ENKUR: variants seen among roughly 807,000 people sequenced by gnomAD.
The protein encoded by ENKUR is enkurin.
A neutral mutation model predicts 27.6 loss-of-function variants in ENKUR; 19 were observed. The ratio of observed to expected loss-of-function variants is 0.69; its 90% CI spans 0.48 to 1.01. The LOEUF is 1.01. Ranked by LOEUF, ENKUR falls within the 50% of genes least tolerant of loss-of-function variation. The pLI, the probability that ENKUR is intolerant of heterozygous loss-of-function variation, is 0.00. For missense variants in ENKUR, 312 were observed against 310.5 expected, an observed-to-expected ratio of 1.00 and a Z score of -0.04; for synonymous variants, 117 against 96.9, an observed-to-expected ratio of 1.21 and a Z score of -1.22.
chr10:25,018,814 A>T (rs1438538519), upstream of ENKUR, among the ~76,000 whole-genome samples: 17 of 152,198 alleles, frequency 1.1e-4, no homozygotes, highest in Non-Finnish European at 2.2e-4. Context: ...GTGGATACTA[A>T]AGTTTTCAAT....
intron 2 of ENKUR, chr10:25,024,889 C>T (rs7086282): frequency 0.38 from 618,938 of 1,613,552 alleles, 124,008 homozygotes; most frequent in African/African-American, 0.66. Flanking sequence ...GGAAAGAAAA[C>T]TAGCACAAAC....
intron 1 of ENKUR, among the ~76,000 whole-genome samples, chr10:25,011,777 AT>A (rs1247199120): frequency 6.6e-6 from 1 of 152,222 alleles, no homozygotes; most frequent in African/African-American, 2.4e-5. Flanking sequence ...AGTTCAGAAA[AT>A]TTGCAGCCCG....
intron 2 of ENKUR, among the ~76,000 whole-genome samples, chr10:25,034,442 G>T (rs1029527872): frequency 7.2e-5 from 11 of 152,076 alleles, no homozygotes; most frequent in African/African-American, 2.7e-4. Flanking sequence ...GGGTTGAGTG[G>T]CCTAATCTGA....
At chr10:24,991,056 C>T (rs1849917054) in intron 3 of ENKUR, among the ~76,000 whole-genome samples, 1 of 152,146 alleles carries the variant, frequency 6.6e-6, no homozygotes, top group Non-Finnish European at 1.5e-5. Context: ...GCCAAGGTGC[C>T]ACTGCACTCC....
At chr10:25,034,989 A>G (rs1850991589) in intron 2 of ENKUR, among the ~76,000 whole-genome samples, 1 of 152,252 alleles carries the variant, frequency 6.6e-6, no homozygotes, top group Non-Finnish European at 1.5e-5. Flanking sequence ...GTACCAAGAT[A>G]AAATTTTATT....
At chr10:25,032,314 A>AC (rs397970303) in intron 2 of ENKUR, among the ~76,000 whole-genome samples, 1 of 137,202 alleles carries the variant, frequency 7.3e-6, no homozygotes. Flanking sequence ...AGAGTAAAGA[A>AC]GGGGGGGGGG....
rs770319378 is a variant in ENKUR, at chr10:25,023,297, C to T, written c.38-27428G>A. The T allele has an allele frequency of 2.4e-5, 39 of 1,613,938 alleles. No homozygotes were observed. The highest frequency in any genetic ancestry group is 4.0e-5 in the African/African-American group (3 of 74,922). ...TGTTTTTCTAGTATACATGTTAAAA[C>T]GGATAAACATGCACAGCGATTTCTT... On this transcript the variant is annotated intron_variant, in intron 2 of 5. Coordinates refer to the ENKUR transcript ENST00000615958.
intron 2 of ENKUR, among the ~76,000 whole-genome samples, chr10:25,059,323 G>A (rs1216957482): frequency 6.6e-6 from 1 of 151,508 alleles, no homozygotes; most frequent in Non-Finnish European, 1.5e-5. Context: ...GTAGAGACAG[G>A]GTTTCACCAT....
intron 2 of ENKUR, chr10:25,026,093 G>C (rs1171796701): frequency 1.3e-5 from 2 of 155,670 alleles, no homozygotes; most frequent in African/African-American, 2.4e-5. Context: ...TTTCCAGGCT[G>C]ATCTTGAACC....
Position 25,024,801 on chromosome 10 carries a change from G to A in ENKUR, c.38-28932C>T, listed in dbSNP as rs762321693. 12 of 1,614,016 alleles carry A rather than the reference G, an allele frequency of 7.4e-6. No individual in the cohort carries two copies. In the East Asian group the frequency reaches 8.9e-5, roughly 12 times the overall value. ...TGTATGCCAAAATGATGGGAATCCCGATTCGAAAATTTATCTGTGCCTCTA... is the reference window on the plus strand; with the variant it reads ...TGTATGCCAAAATGATGGGAATCCCAATTCGAAAATTTATCTGTGCCTCTA... On this transcript the variant is annotated intron_variant, in intron 2 of 5. Transcript: ENST00000615958.
rs1564352066 is a variant in ENKUR at position 25,027,356 on chromosome 10, T to TAAA, written c.38-31488_38-31487insTTT. ...TGGGTGACAGAGCAAGACTCCCGTC[T>TAAA]CAAAAAAAAAAAAAAAAAAAAAAAA... On this transcript the variant is annotated intron_variant, in intron 2 of 5. Transcript: ENST00000615958. 2.2e-3 allele frequency among the ~76,000 whole-genome samples: 102 copies of TAAA among 45,726 alleles called. 9 individuals are homozygous for TAAA. The highest frequency in any genetic ancestry group is 8.4e-3 in the East Asian group (14 of 1,668). 30.0% of individuals were successfully genotyped at this position (45,726 alleles called of 152,430 possible).
rs189448446 is a variant in ENKUR, at chr10:24,992,094, G to A, written c.448-1485C>T. Among the ~76,000 whole-genome samples, 191 of 152,306 alleles carry A rather than the reference G, an allele frequency of 1.3e-3. 1 individual carries two copies. The highest frequency in any genetic ancestry group is 2.4e-3 in the Non-Finnish European group (166 of 68,032). On this transcript the variant is annotated intron_variant, in intron 3 of 5. Transcript: ENST00000331161. ...GTGATTCTTTCAGCTTAGTAAATGC[G>A]TTTGATTTCACCATCTATAGAAACA...
chr10:25,031,339 T>C (rs1850932651), intron 2 of ENKUR, among the ~76,000 whole-genome samples: 1 of 152,102 alleles, frequency 6.6e-6, no homozygotes, highest in Admixed American at 6.5e-5. Flanking sequence ...TACATTTTTT[T>C]TATGTAAAGA....
chr10:25,031,876 G>A (rs1850939222), intron 2 of ENKUR, among the ~76,000 whole-genome samples: 1 of 144,626 alleles, frequency 6.9e-6, no homozygotes, highest in African/African-American at 2.6e-5. Context: ...ATTTTGCTAT[G>A]TTGCCTAGAC....
intron 2 of ENKUR, among the ~76,000 whole-genome samples, chr10:25,056,307 G>A (rs1851255351): frequency 6.6e-6 from 1 of 152,216 alleles, no homozygotes; most frequent in Admixed American, 6.5e-5. Flanking sequence ...TCATACCCCA[G>A]AAGTTCTCAG....
chr10:25,023,507 G>A, intron 2 of ENKUR: 1 of 1,614,080 alleles, frequency 6.2e-7, no homozygotes, highest in East Asian at 2.2e-5. Context: ...GAAAAAACCT[G>A]GAATATGAGT....
chr10:24,984,664 T>C, intron 5 of ENKUR, 72 bp downstream of exon 5: 1 of 1,406,280 alleles, frequency 7.1e-7, no homozygotes, highest in South Asian at 1.4e-5. Context: ...TTGAAAAACT[T>C]GGAGTTTTTT....
At chr10:25,003,112 C>T (rs1459824224) in intron 1 of ENKUR, among the ~76,000 whole-genome samples, 1 of 151,948 alleles carries the variant, frequency 6.6e-6, no homozygotes, top group Non-Finnish European at 1.5e-5. Flanking sequence ...ATGTCTCCTC[C>T]ATCTCTCCAA....
intron 4 of ENKUR, among the ~76,000 whole-genome samples, chr10:24,986,309 A>G (rs772970394): frequency 1.3e-5 from 2 of 152,226 alleles, no homozygotes; most frequent in East Asian, 3.8e-4. Context: ...GGCACACTGT[A>G]TAGAAGAGGT....
Sources: gnomAD v4.1 joint callset for allele counts (sites outside exome capture counted in the v4.1 genomes callset) on GRCh38, gnomAD v4.1.1 for gene constraint, MANE v1.5 for transcripts, NCBI Gene and HGNC (gene_info 2026-07-23, HGNC 2026-07-21) for gene names.